The following EXOC6B variants were observed in gnomAD, a reference collection of about 807,000 sequenced individuals.
The protein encoded by EXOC6B is SEC15 homolog B.
Under a neutral mutation model 113.5 loss-of-function variants are expected in EXOC6B, and 54 were observed. The ratio of observed to expected loss-of-function variants is 0.48; its 90% CI spans 0.38 to 0.60. EXOC6B has a LOEUF of 0.60. Ranked by LOEUF, EXOC6B falls within the 20% of genes least tolerant of loss-of-function variation. The pLI is 0.00. For missense variants in EXOC6B, 797 were observed against 977.5 expected, an observed-to-expected ratio of 0.82 and a Z score of 2.46; for synonymous variants, 357 against 339.0, an observed-to-expected ratio of 1.05 and a Z score of -0.58.
intron 8 of EXOC6B, among the ~76,000 whole-genome samples, chr2:72,523,674 G>A (rs931804516): frequency 6.6e-6 from 1 of 151,468 alleles, no homozygotes; most frequent in Middle Eastern, 3.2e-3. Flanking sequence ...CCAGCTACTC[G>A]GGAGGCTGAG....
At chr2:72,769,664 T>G (rs1186876476) in intron 1 of EXOC6B, among the ~76,000 whole-genome samples, 1 of 152,020 alleles carries the variant, frequency 6.6e-6, no homozygotes, top group Non-Finnish European at 1.5e-5. Context: ...ATACAAAAAT[T>G]AGCCGGGTGT....
chr2:72,313,750 C>G (rs546858325), intron 20 of EXOC6B, among the ~76,000 whole-genome samples: 1 of 152,174 alleles, frequency 6.6e-6, no homozygotes, highest in Admixed American at 6.5e-5. Context: ...AAAATTACAG[C>G]TTTTACATTC....
chr2:72,673,122 T>G (rs1160416982), intron 6 of EXOC6B, among the ~76,000 whole-genome samples: 1 of 151,860 alleles, frequency 6.6e-6, no homozygotes, highest in African/African-American at 2.4e-5. Flanking sequence ...AAACAATAAA[T>G]AATAATATTT....
chr2:72,800,417 T>C (rs866015406), intron 1 of EXOC6B, among the ~76,000 whole-genome samples: 1 of 152,280 alleles, frequency 6.6e-6, no homozygotes, highest in Middle Eastern at 3.4e-3. Flanking sequence ...GTTATGCCAT[T>C]CTGCCTGTCA....
intron 1 of EXOC6B, among the ~76,000 whole-genome samples, chr2:72,803,203 A>G (rs1161286923): frequency 6.6e-6 from 1 of 152,184 alleles, no homozygotes; most frequent in Non-Finnish European, 1.5e-5. Flanking sequence ...ATGCAAAAAG[A>G]ACAAATAAAA....
intron 19 of EXOC6B, among the ~76,000 whole-genome samples, chr2:72,358,655 A>G (rs1026296328): frequency 2.0e-5 from 3 of 152,180 alleles, no homozygotes; most frequent in African/African-American, 7.2e-5. Flanking sequence ...TATTTCTATT[A>G]CCTAAGATTT....
chr2:72,480,878 G>T, intron 16 of EXOC6B, 128 bp from the exon 17 acceptor site: 6 of 933,714 alleles, frequency 6.4e-6, no homozygotes, highest in East Asian at 2.7e-5. Flanking sequence ...TTCGGGCAAG[G>T]GGTATGTTAA....
intron 6 of EXOC6B, among the ~76,000 whole-genome samples, chr2:72,655,290 A>G (rs1055428449): frequency 6.6e-5 from 10 of 152,176 alleles, no homozygotes. Flanking sequence ...TAATAACTGC[A>G]TGCTAACTTA....
chr2:72,678,761 C>A (rs1363680945), intron 6 of EXOC6B, among the ~76,000 whole-genome samples: 2 of 152,184 alleles, frequency 1.3e-5, no homozygotes, highest in Non-Finnish European at 2.9e-5. Flanking sequence ...CACGCCACAA[C>A]AGTCTGTTTA....
Position 72,825,638 on chromosome 2 carries a change from CG to C in EXOC6B, c.113+159del, listed in dbSNP as rs1211554358. On this transcript the variant is annotated intron_variant, in intron 1 of 21. Coordinates refer to ENST00000272427, the MANE Select transcript of EXOC6B (RefSeq NM_015189.3). The surrounding 1 kb of genome is among the most constrained non-coding windows in gnomAD (Gnocchi z 4.4). ...AGGGCGCCGGGAAGGGACCCCGCGTCGGGGCTGCGAAGGGAGACCCGCCTCG... is the reference window on the plus strand; with the variant it reads ...AGGGCGCCGGGAAGGGACCCCGCGTCGGGCTGCGAAGGGAGACCCGCCTCG... Among the ~76,000 whole-genome samples, 2 of 152,180 alleles carry C rather than the reference CG, an allele frequency of 1.3e-5. No homozygotes were observed. Among genetic ancestry groups the C allele is most frequent in the Non-Finnish European group, 2.9e-5 (2 of 68,022 alleles).
chr2:72,783,318 CTTTTTTTTTTTTTTT>C (rs70963146), intron 1 of EXOC6B, among the ~76,000 whole-genome samples: 1 of 60,412 alleles, frequency 1.7e-5, no homozygotes, highest in African/African-American at 6.8e-5. Flanking sequence ...TTTTTCTTTT[CTTTTTTTTTTTTTTT>C]TTTTTTTTTG....
At chr2:72,666,824 A>C (rs4295040) in intron 6 of EXOC6B, among the ~76,000 whole-genome samples, 20,685 of 135,072 alleles carry the variant, frequency 0.15, 1,951 homozygotes, top group Admixed American at 0.2. Flanking sequence ...CACACACACA[A>C]AGAAATGCCT....
intron 6 of EXOC6B, among the ~76,000 whole-genome samples, chr2:72,633,302 A>ATGT (rs376077523): frequency 1.0e-3 from 156 of 152,178 alleles, no homozygotes; most frequent in African/African-American, 3.2e-3. Flanking sequence ...CATACACTGT[A>ATGT]TGTTGTTGTT....
At chr2:72,497,911 T>C (rs1700120652) in intron 13 of EXOC6B, among the ~76,000 whole-genome samples, 1 of 152,182 alleles carries the variant, frequency 6.6e-6, no homozygotes, top group Admixed American at 6.5e-5. Context: ...ACTTTCTTAT[T>C]ATTGTATGCA....
chr2:72,487,722 T>G (rs1488992073), intron 16 of EXOC6B, among the ~76,000 whole-genome samples: 1 of 152,200 alleles, frequency 6.6e-6, no homozygotes, highest in Non-Finnish European at 1.5e-5. Flanking sequence ...AATTTTTGTT[T>G]GTTTAATGTT....
intron 1 of EXOC6B, among the ~76,000 whole-genome samples, chr2:72,821,738 C>T (rs1303907960): frequency 6.6e-6 from 1 of 152,052 alleles, no homozygotes; most frequent in Admixed American, 6.6e-5. Flanking sequence ...TACAAAATGT[C>T]CCGATGTCCA....
rs557560286 is a variant in EXOC6B at position 72,483,498 on chromosome 2, C to G, written c.1666-2748G>C. On this transcript the variant is annotated intron_variant, in intron 16 of 21. Transcript: ENST00000272427. The stretch of plus-strand genomic sequence containing the variant: ...AAAAGGGAGGTGGCTTCACTGGGTA[C>G]AGTAGTAATTTCCCATGACTTTTTA... Among the ~76,000 whole-genome samples the G allele has an allele frequency of 6.6e-5, 10 of 152,242 alleles. No individual in the cohort carries two copies. The East Asian group carries it at 1.9e-3, about 29-fold the overall frequency.
At chr2:72,697,043 G>A (rs1474855788) in intron 6 of EXOC6B, among the ~76,000 whole-genome samples, 3 of 151,918 alleles carry the variant, frequency 2.0e-5, no homozygotes, top group Non-Finnish European at 4.4e-5. Context: ...CTCTCTAAAT[G>A]TCTATCCTGC....
In EXOC6B at chr2:72,825,772, C is replaced by A; in HGVS notation, c.113+26G>T. 1 of 1,608,146 alleles carries A rather than the reference C, an allele frequency of 6.2e-7. No homozygotes were observed. Among genetic ancestry groups the A allele is most frequent in the Non-Finnish European group, 8.5e-7 (1 of 1,177,932 alleles). On this transcript the variant is annotated intron_variant, in intron 1 of 21. Coordinates refer to ENST00000272427, the MANE Select transcript of EXOC6B (RefSeq NM_015189.3). This position sits in a 1 kb window ranked among gnomAD's most constrained non-coding sequence, Gnocchi z 4.4. ...TGCCCCGTCCCGCCCGTTCCCGCCC[C>A]TCTGTGGTCCCGGCACCCGGGGTAC...
Sources: gnomAD v4.1 joint callset for allele counts (sites outside exome capture counted in the v4.1 genomes callset) on GRCh38, gnomAD v4.1.1 for gene constraint, Gnocchi (gnomAD v3.1) non-coding constraint, MANE v1.5 for transcripts, NCBI Gene and HGNC (gene_info 2026-07-23, HGNC 2026-07-21) for gene names.